The following CEP44 variants were observed in gnomAD, a reference collection of about 807,000 sequenced individuals.
CEP44 encodes centrosomal protein of 44 kDa.
In CEP44, 45 loss-of-function variants were observed where a neutral mutation model predicts 46.7. The observed-to-expected ratio is 0.96, with a 90% CI of 0.76 to 1.24. The LOEUF (loss-of-function observed/expected upper bound fraction) is 1.24. Ranked by LOEUF, CEP44 falls within the 50% of genes most tolerant of loss-of-function variation. The probability of loss-of-function intolerance (pLI) is 0.00; values close to 1 mark genes in which losing one functional copy is unlikely to be tolerated. For missense variants in CEP44, 475 were observed against 459.7 expected, an observed-to-expected ratio of 1.03 and a Z score of -0.30; for synonymous variants, 142 against 146.0, an observed-to-expected ratio of 0.97 and a Z score of 0.20.
rs972894746 is a variant in CEP44, at chr4:174,329,329, GACAC to G, written c.1087-2145_1087-2142del. ...TGGGAAAGCCCTTTGCTCAAACACA[GACAC>G]ACACACAGACACACACACACACACA... is the stretch of plus-strand genomic sequence containing the variant. On this transcript the variant is annotated intron_variant, in intron 8 of 8. Coordinates refer to the CEP44 transcript ENST00000426172. This position sits in a 1 kb window ranked among gnomAD's most constrained non-coding sequence, Gnocchi z 4.0. 6.7e-6 allele frequency among the ~76,000 whole-genome samples: 1 copy of G among 148,644 alleles called. No homozygotes were observed. The highest frequency in any genetic ancestry group is 1.5e-5 in the Non-Finnish European group (1 of 66,200).
In CEP44 at chr4:174,311,131, G is replaced by A. The variant is rs1453894484; in HGVS notation, c.961+273G>A. Among the ~76,000 whole-genome samples, 2 of 151,934 alleles carry A rather than the reference G, an allele frequency of 1.3e-5. No homozygotes were observed. The highest frequency in any genetic ancestry group is 2.9e-5 in the Non-Finnish European group (2 of 67,870). ...TTTAATCATTCGAGAATAATCAAGT[G>A]CTCTAGGATATTAATGTTGGCCTCC... On this transcript the variant is annotated intron_variant, in intron 9 of 11. Transcript: ENST00000503780. This position sits in a 1 kb window ranked among gnomAD's most constrained non-coding sequence, Gnocchi z 4.4.
chr4:174,324,368 C>T (rs770399750), downstream of CEP44, among the ~76,000 whole-genome samples: 2 of 152,106 alleles, frequency 1.3e-5, no homozygotes, highest in Non-Finnish European at 2.9e-5. Flanking sequence ...GAACATGTGT[C>T]TCTGGACACA....
intron 3 of CEP44, among the ~76,000 whole-genome samples, chr4:174,299,680 A>G (rs1305460987): frequency 6.6e-6 from 1 of 152,112 alleles, no homozygotes; most frequent in Non-Finnish European, 1.5e-5. Flanking sequence ...TCTTTTTCAT[A>G]TGGAATATTC....
intron 9 of CEP44, among the ~76,000 whole-genome samples, chr4:174,315,751 G>A (rs988327168): frequency 2.9e-4 from 43 of 150,414 alleles, no homozygotes; most frequent in Admixed American, 4.7e-4. Flanking sequence ...TGAGGCAGGA[G>A]AATGGCGTGA....
chr4:174,284,029 A>T (rs1322339257), intron 1 of CEP44, 86 bp downstream of exon 1: 1 of 399,462 alleles, frequency 2.5e-6, no homozygotes, highest in Non-Finnish European at 4.4e-6. Flanking sequence ...GGCTGTAGCG[A>T]CTGGTTGCGG....
intron 3 of CEP44, among the ~76,000 whole-genome samples, chr4:174,300,624 G>T (rs542979276): frequency 6.3e-4 from 95 of 151,884 alleles, no homozygotes; most frequent in African/African-American, 2.2e-3. Flanking sequence ...AAATCTGCAG[G>T]GTCTATTGAG....
chr4:174,311,223 AG>A lies in CEP44; in HGVS notation c.961+366del, dbSNP rs1291756935. On this transcript the variant is annotated intron_variant, in intron 9 of 11. Transcript: ENST00000503780. The surrounding 1 kb of genome is among the most constrained non-coding windows in gnomAD (Gnocchi z 4.4). The stretch of plus-strand genomic sequence containing the variant: ...TATGTAAATAATAATATGTAAGAGA[AG>A]AAAACACATTTGTCAGTATCTATAA... Among the ~76,000 whole-genome samples the A allele has an allele frequency of 1.3e-5, 2 of 152,030 alleles. No homozygotes were observed. The highest frequency in any genetic ancestry group is 4.8e-5 in the African/African-American group (2 of 41,434).
At chr4:174,294,046 CTTT>C (rs764798847) in intron 1 of CEP44, among the ~76,000 whole-genome samples, 1 of 138,112 alleles carries the variant, frequency 7.2e-6, no homozygotes, top group Non-Finnish European at 1.6e-5. Flanking sequence ...CATATATCCT[CTTT>C]TTTTTTTTTT....
intron 3 of CEP44, among the ~76,000 whole-genome samples, chr4:174,299,709 G>C (rs1210290954): frequency 6.6e-6 from 1 of 151,966 alleles, no homozygotes; most frequent in Non-Finnish European, 1.5e-5. Flanking sequence ...AGATTTTTTT[G>C]TGTATGGCAA....
At chr4:174,306,875 G>A (rs1453830970) in intron 6 of CEP44, among the ~76,000 whole-genome samples, 1 of 151,976 alleles carries the variant, frequency 6.6e-6, no homozygotes, top group Non-Finnish European at 1.5e-5. Context: ...GCCACAAAAA[G>A]AATAAAATAC....
At chr4:174,303,605 A>T (rs776795994) in intron 4 of CEP44, 98 bp from the exon 5 acceptor site, 2 of 667,340 alleles carry the variant, frequency 3.0e-6, no homozygotes, top group Non-Finnish European at 5.0e-6. Context: ...TTGTCCTCTC[A>T]AAGGTGGCCA....
At chr4:174,316,901 A>G (rs1394614822) in intron 11 of CEP44, among the ~76,000 whole-genome samples, 1 of 152,186 alleles carries the variant, frequency 6.6e-6, no homozygotes, top group Non-Finnish European at 1.5e-5. Context: ...TAAATAATAT[A>G]TATAGATGGA....
chr4:174,298,430 C>T (rs1020351491), intron 2 of CEP44, among the ~76,000 whole-genome samples: 6 of 152,064 alleles, frequency 3.9e-5, no homozygotes, highest in African/African-American at 1.4e-4. Context: ...CCGCCTCGGC[C>T]TCCCAAAGTG....
chr4:174,327,963 T>C (rs1032692588), intron 8 of CEP44, among the ~76,000 whole-genome samples: 2 of 152,164 alleles, frequency 1.3e-5, no homozygotes, highest in African/African-American at 4.8e-5. Flanking sequence ...TTTATAACTT[T>C]GGGTGGGAAA....
Position 174,302,164 on chromosome 4 carries a change from G to T in CEP44, c.215G>T (p.Arg72Leu), listed in dbSNP as rs143955462. The change falls in exon 4 of 12, where the codon CGC becomes CTC. Residue 72 changes from arginine (R) to leucine (L), a missense_variant. Physicochemically the swap from Arg to Leu is moderately radical, Grantham distance 102 (BLOSUM62 -2). Coordinates refer to ENST00000503780, the MANE Select transcript of CEP44 (RefSeq NM_001040157.3). The stretch of plus-strand genomic sequence containing the variant: ...GAGCTCATAGCAAAAAATGACTTGC[G>T]CTTTATAGATGCTGTCTATAAGGTA... ...NVELIAKNDL[R>L]FIDAVYKLLR... 6.2e-7 allele frequency: 1 copy of T among 1,602,978 alleles called. No individual in the cohort carries two copies. The highest frequency in any genetic ancestry group is 1.7e-5 in the Admixed American group (1 of 58,382).
chr4:174,305,391 T>C (rs769041759), intron 6 of CEP44, among the ~76,000 whole-genome samples: 1 of 152,148 alleles, frequency 6.6e-6, no homozygotes, highest in Non-Finnish European at 1.5e-5. Context: ...GAGGCAGAGG[T>C]TCCAGTGAGC....
intron 1 of CEP44, chr4:174,285,648 G>T (rs1388225955): frequency 6.6e-6 from 1 of 152,148 alleles, no homozygotes; most frequent in Non-Finnish European, 1.5e-5. Context: ...CATCTGGAAG[G>T]ACTAAAGGAA....
chr4:174,296,923 G>A (rs2126554818), intron 1 of CEP44, among the ~76,000 whole-genome samples: 1 of 152,028 alleles, frequency 6.6e-6, no homozygotes, highest in East Asian at 1.9e-4. Context: ...ATACATTAAA[G>A]ATTGTTATAT....
downstream of CEP44, among the ~76,000 whole-genome samples, chr4:174,324,862 C>T (rs1742555408): frequency 6.6e-6 from 1 of 152,146 alleles, no homozygotes; most frequent in Admixed American, 6.6e-5. Context: ...ACAAAGTCTG[C>T]CTCCCACATC....
Sources: allele counts gnomAD v4.1 joint callset (sites outside exome capture counted in the v4.1 genomes callset), GRCh38; gene constraint gnomAD v4.1.1; non-coding constraint Gnocchi (gnomAD v3.1); transcripts MANE v1.5; gene names NCBI Gene and HGNC (gene_info 2026-07-23, HGNC 2026-07-21).